The following SGCE variants were observed in gnomAD, a reference collection of about 807,000 sequenced individuals.
The protein encoded by SGCE is epsilon-sarcoglycan.
SGCE carries 26 observed loss-of-function variants against 57.8 expected under a neutral mutation model. The ratio of observed to expected loss-of-function variants is 0.45; its 90% CI spans 0.33 to 0.62. The LOEUF (loss-of-function observed/expected upper bound fraction) is 0.62. Among genes scored for constraint, SGCE ranks in the 20% least tolerant of loss-of-function variants. The pLI is 0.02. For missense variants in SGCE, 468 were observed against 548.6 expected, an observed-to-expected ratio of 0.85 and a Z score of 1.47; for synonymous variants, 183 against 189.5, an observed-to-expected ratio of 0.97 and a Z score of 0.28.
chr7:94,624,190 T>C, intron 3 of SGCE: 1 of 395,286 alleles, frequency 2.5e-6, no homozygotes. Context: ...CAAATGATTG[T>C]GTCAAAATCT....
chr7:94,644,090 C>T (rs2117061210), intron 1 of SGCE, among the ~76,000 whole-genome samples: 1 of 152,318 alleles, frequency 6.6e-6, no homozygotes, highest in African/African-American at 2.4e-5. Flanking sequence ...GAGTTTTACT[C>T]TAGTTCATAA....
chr7:94,645,713 C>T (rs980438968), intron 1 of SGCE, among the ~76,000 whole-genome samples: 2 of 152,034 alleles, frequency 1.3e-5, no homozygotes, highest in Admixed American at 6.5e-5. Context: ...TAGAATAGTA[C>T]CCATATCAGT....
intron 9 of SGCE, chr7:94,590,550 T>G (rs1797537760): frequency 6.6e-6 from 1 of 152,212 alleles, no homozygotes; most frequent in Non-Finnish European, 1.5e-5. Flanking sequence ...AAATGTACAA[T>G]TTAGGTTCTG....
In SGCE at chr7:94,628,372, C is replaced by G. The variant is rs771138094; in HGVS notation, c.233-13G>C. On this transcript the variant is annotated splice_polypyrimidine_tract_variant and intron_variant, in intron 2 of 10. Transcript: ENST00000648936. Reference sequence around the variant, plus strand: ...TTACTAATCTCGCCTAGATAAGAAACAGAGAATTAAGACATAAGACAGTTA... The same window carrying G: ...TTACTAATCTCGCCTAGATAAGAAAGAGAGAATTAAGACATAAGACAGTTA... 6.3e-7 allele frequency: 1 copy of G among 1,590,842 alleles called. No homozygotes were observed. The highest frequency in any genetic ancestry group is 8.6e-7 in the Non-Finnish European group (1 of 1,160,496).
At position 94,590,345 on chromosome 7, in the gene SGCE, C is replaced by T. The variant is rs567139993; in HGVS notation, c.1254-1613G>A. 3.3e-5 allele frequency among the ~76,000 whole-genome samples: 5 copies of T among 152,242 alleles called. No homozygotes were observed. In the East Asian group the frequency reaches 9.6e-4, roughly 29 times the overall value. On this transcript the variant is annotated intron_variant, in intron 9 of 10. Transcript: ENST00000648936. ...TCTAAGCAACCCACAAATTAGGTTA[C>T]CATTTAGCATGCTTTCATTCACATG...
At chr7:94,638,030 C>G (rs961112952) in intron 1 of SGCE, among the ~76,000 whole-genome samples, 1 of 152,054 alleles carries the variant, frequency 6.6e-6, no homozygotes, top group Admixed American at 6.5e-5. Context: ...AAGAAACCAG[C>G]CAGATAAGGG....
intron 1 of SGCE, among the ~76,000 whole-genome samples, chr7:94,643,006 T>C (rs1464074015): frequency 2.0e-5 from 3 of 152,232 alleles, no homozygotes; most frequent in Non-Finnish European, 4.4e-5. Context: ...TCTCCATTTC[T>C]CCATGAACTG....
chr7:94,648,376 CAAAAAAAAAAA>C (rs71123907), intron 1 of SGCE, among the ~76,000 whole-genome samples: 1 of 65,080 alleles, frequency 1.5e-5, no homozygotes, highest in Non-Finnish European at 2.8e-5. Flanking sequence ...ACTCTGTCTC[CAAAAAAAAAAA>C]AAAAAAAAAA....
chr7:94,586,165 G>A (rs955697888), intron 10 of SGCE, among the ~76,000 whole-genome samples: 5 of 147,346 alleles, frequency 3.4e-5, no homozygotes, highest in African/African-American at 1.0e-4. Flanking sequence ...TATCCAAGAC[G>A]CAAACTCTTG....
At chr7:94,642,474 T>C (rs1806528614) in intron 1 of SGCE, among the ~76,000 whole-genome samples, 1 of 152,128 alleles carries the variant, frequency 6.6e-6, no homozygotes, top group African/African-American at 2.4e-5. Flanking sequence ...CATATTCACA[T>C]GTACCCCCAA....
intron 2 of SGCE, chr7:94,629,173 G>A (rs1191673838): frequency 1.3e-5 from 2 of 152,032 alleles, no homozygotes; most frequent in East Asian, 3.8e-4. Context: ...TTAACTTGAT[G>A]GCATTTATGA....
intron 9 of SGCE, chr7:94,598,438 T>C (rs1798729801): frequency 3.7e-6 from 1 of 268,346 alleles, no homozygotes. Flanking sequence ...TCTCTAAAAA[T>C]AATCAATTTG....
At chr7:94,620,568 AAAT>A (rs1802603864) in intron 4 of SGCE, 2 of 152,244 alleles carry the variant, frequency 1.3e-5, no homozygotes, top group African/African-American at 4.8e-5. Context: ...TCTTGGCAAT[AAAT>A]AATAAAATAT....
chr7:94,604,620 G>A (rs1463879233), intron 5 of SGCE, among the ~76,000 whole-genome samples: 1 of 151,126 alleles, frequency 6.6e-6, no homozygotes, highest in East Asian at 1.9e-4. Flanking sequence ...CAGGTACCAA[G>A]ACAATTCAAA....
intron 5 of SGCE, among the ~76,000 whole-genome samples, chr7:94,613,059 T>G (rs769755500): frequency 1.8e-4 from 28 of 152,254 alleles, no homozygotes; most frequent in Non-Finnish European, 2.2e-4. Context: ...TCTTTGCCAC[T>G]GTCCTCAGGT....
In SGCE at chr7:94,588,668, TTTA is replaced by T. The variant is rs1797239863; in HGVS notation, c.1297+18_1297+20del. 6.3e-7 allele frequency: 1 copy of T among 1,577,852 alleles called. No homozygotes were observed. On this transcript the variant is annotated intron_variant, in intron 10 of 10. Transcript: ENST00000648936. ...TATTAGATTCATTCATAAACATTAA[TTTA>T]TTATTCTTAGCACTCACCTGTAGTC... is the stretch of plus-strand genomic sequence containing the variant.
chr7:94,644,242 T>C (rs1305082561), intron 1 of SGCE, among the ~76,000 whole-genome samples: 1 of 152,226 alleles, frequency 6.6e-6, no homozygotes, highest in Non-Finnish European at 1.5e-5. Context: ...AAGCCTAAAT[T>C]AATCCAAAGG....
At position 94,647,446 on chromosome 7, in the gene SGCE, C is replaced by T. The variant is rs1424951255; in HGVS notation, c.109+8544G>A. The stretch of plus-strand genomic sequence containing the variant: ...ACTCTATCCTCAATTACTAAAGGAG[C>T]TTACTAGTCTGCTGCAAACTATTCT... On this transcript the variant is annotated intron_variant, in intron 1 of 10. Transcript: ENST00000648936. 2.6e-5 allele frequency among the ~76,000 whole-genome samples: 4 copies of T among 152,202 alleles called. No individual in the cohort carries two copies. In the East Asian group the frequency reaches 7.7e-4, roughly 29 times the overall value.
chr7:94,610,511 A>G (rs1401234843), intron 5 of SGCE, among the ~76,000 whole-genome samples: 1 of 152,194 alleles, frequency 6.6e-6, no homozygotes, highest in Non-Finnish European at 1.5e-5. Flanking sequence ...TAAAAATAGT[A>G]TACGCACAAA....
Sources: gnomAD v4.1 joint callset for allele counts (sites outside exome capture counted in the v4.1 genomes callset) on GRCh38, gnomAD v4.1.1 for gene constraint, MANE v1.5 for transcripts, NCBI Gene and HGNC (gene_info 2026-07-23, HGNC 2026-07-21) for gene names.